Variants in KCNQ5 observed in about 807,000 individuals in gnomAD.
The protein encoded by KCNQ5 is potassium voltage-gated channel subfamily Q member 5, also known as potassium voltage-gated channel subfamily KQT member 5.
In KCNQ5, 30 loss-of-function variants were observed where a neutral mutation model predicts 98.2. The ratio of observed to expected loss-of-function variants is 0.31; its 90% CI spans 0.23 to 0.41. The LOEUF is 0.41. Ranked by LOEUF, KCNQ5 falls within the 10% of genes least tolerant of loss-of-function variation. The probability of loss-of-function intolerance (pLI) is 1.00; values close to 1 mark genes in which losing one functional copy is unlikely to be tolerated. For synonymous variants in KCNQ5, 458 were observed against 449.4 expected, an observed-to-expected ratio of 1.02 and a Z score of -0.24; for missense variants, 835 against 1,182.5, an observed-to-expected ratio of 0.71 and a Z score of 4.31.
chr6:72,763,893 C>A (rs542812137), intron 1 of KCNQ5, among the ~76,000 whole-genome samples: 2 of 152,050 alleles, frequency 1.3e-5, no homozygotes, highest in South Asian at 4.1e-4. Flanking sequence ...GTCCTGTATC[C>A]TTGAGAAAGT....
intron 1 of KCNQ5, among the ~76,000 whole-genome samples, chr6:72,889,613 G>A (rs1376235210): frequency 1.3e-5 from 2 of 152,130 alleles, no homozygotes; most frequent in Non-Finnish European, 2.9e-5. Flanking sequence ...TCTCAATTCA[G>A]CAGCAAAATC....
intron 1 of KCNQ5, among the ~76,000 whole-genome samples, chr6:72,971,636 C>T (rs988083935): frequency 6.6e-6 from 1 of 152,220 alleles, no homozygotes; most frequent in Non-Finnish European, 1.5e-5. Flanking sequence ...GGCACATATA[C>T]ACCATGGAAT....
intron 1 of KCNQ5, among the ~76,000 whole-genome samples, chr6:72,682,648 T>C (rs1043958666): frequency 6.6e-6 from 1 of 152,212 alleles, no homozygotes; most frequent in Non-Finnish European, 1.5e-5. Context: ...CTTAATAAAT[T>C]TTCTATCTCT....
intron 10 of KCNQ5, among the ~76,000 whole-genome samples, chr6:73,153,163 C>G (rs923225335): frequency 6.6e-6 from 1 of 152,084 alleles, no homozygotes; most frequent in African/African-American, 2.4e-5. Context: ...TTTGAGTTTT[C>G]CAAAGTGTAA....
intron 1 of KCNQ5, among the ~76,000 whole-genome samples, chr6:72,715,881 T>C (rs1769622021): frequency 6.6e-6 from 1 of 152,144 alleles, no homozygotes; most frequent in Non-Finnish European, 1.5e-5. Flanking sequence ...ATAATAATTT[T>C]CCTTTGTTAT....
intron 1 of KCNQ5, among the ~76,000 whole-genome samples, chr6:72,839,690 A>G (rs963108386): frequency 1.3e-5 from 2 of 152,140 alleles, no homozygotes; most frequent in African/African-American, 4.8e-5. Flanking sequence ...CAAATTATAA[A>G]TGTATATTTT....
chr6:72,655,697 C>T (rs1766155028), intron 1 of KCNQ5, among the ~76,000 whole-genome samples: 1 of 152,070 alleles, frequency 6.6e-6, no homozygotes. Flanking sequence ...TCGGGACATA[C>T]TGTGAGTGCT....
chr6:72,660,301 AT>A (rs1411955211), intron 1 of KCNQ5, among the ~76,000 whole-genome samples: 2 of 152,204 alleles, frequency 1.3e-5, no homozygotes, highest in Admixed American at 1.3e-4. Flanking sequence ...GATCACTTAA[AT>A]TATGAGGTGG....
intron 5 of KCNQ5, among the ~76,000 whole-genome samples, chr6:73,095,883 G>A (rs189373657): frequency 1.6e-4 from 24 of 152,226 alleles, no homozygotes; most frequent in South Asian, 4.1e-4. Context: ...CTCTATTTTC[G>A]TTTTAAAGGC....
intron 5 of KCNQ5, among the ~76,000 whole-genome samples, chr6:73,098,280 A>G (rs1582352771): frequency 6.6e-6 from 1 of 152,172 alleles, no homozygotes; most frequent in African/African-American, 2.4e-5. Flanking sequence ...CAAAATATCT[A>G]TAAAATAGCT....
intron 9 of KCNQ5, chr6:73,125,327 G>A (rs1775932965): frequency 2.0e-6 from 1 of 489,568 alleles, no homozygotes; most frequent in East Asian, 5.7e-5. Flanking sequence ...TGAGTACCAG[G>A]AAGTGCCTAG....
At chr6:72,682,222 C>T (rs929339882) in intron 1 of KCNQ5, among the ~76,000 whole-genome samples, 5 of 152,154 alleles carry the variant, frequency 3.3e-5, no homozygotes, top group South Asian at 2.1e-4. Flanking sequence ...AAACAAAAAA[C>T]GCTCTATATT....
intron 5 of KCNQ5, among the ~76,000 whole-genome samples, chr6:73,096,949 A>G (rs1047071801): frequency 2.0e-5 from 3 of 152,096 alleles, no homozygotes; most frequent in Admixed American, 6.6e-5. Flanking sequence ...AGGCTGAAAC[A>G]GGAGAATCAC....
chr6:73,015,085 G>A (rs1025834173), intron 2 of KCNQ5, among the ~76,000 whole-genome samples: 4 of 152,026 alleles, frequency 2.6e-5, no homozygotes, highest in South Asian at 2.1e-4. Flanking sequence ...GAATCCATTC[G>A]AGGATATTAA....
At chr6:73,057,782 T>G (rs966708205) in intron 3 of KCNQ5, among the ~76,000 whole-genome samples, 1 of 152,176 alleles carries the variant, frequency 6.6e-6, no homozygotes, top group Non-Finnish European at 1.5e-5. Context: ...AAAAAAAGCC[T>G]GAATAGCCAA....
intron 1 of KCNQ5, chr6:72,640,949 GA>G (rs1395450215): frequency 1.3e-5 from 2 of 152,052 alleles, no homozygotes; most frequent in Non-Finnish European, 2.9e-5. Context: ...GTTCCATGAA[GA>G]ATATTCTTTA....
intron 1 of KCNQ5, among the ~76,000 whole-genome samples, chr6:72,883,910 T>G (rs1269920656): frequency 1.3e-5 from 2 of 152,180 alleles, no homozygotes; most frequent in African/African-American, 4.8e-5. Context: ...ATTGAATAAG[T>G]ACAAGTTGCT....
chr6:72,727,876 T>A (rs1423341363), intron 1 of KCNQ5, among the ~76,000 whole-genome samples: 3 of 152,162 alleles, frequency 2.0e-5, no homozygotes, highest in Non-Finnish European at 4.4e-5. Context: ...AGTCTTCCCA[T>A]GGCCTTAAGT....
intron 1 of KCNQ5, among the ~76,000 whole-genome samples, chr6:72,640,363 TG>T (rs372450038): frequency 0.4 from 60,999 of 151,472 alleles, 13,146 homozygotes; most frequent in Middle Eastern, 0.51. Flanking sequence ...TTTTATACTT[TG>T]TAACCATATA....
Sources: gnomAD v4.1 joint callset for allele counts (sites outside exome capture counted in the v4.1 genomes callset) on GRCh38, gnomAD v4.1.1 for gene constraint, MANE v1.5 for transcripts, NCBI Gene and HGNC (gene_info 2026-07-23, HGNC 2026-07-21) for gene names.